SPG7: variants seen among roughly 807,000 people sequenced by gnomAD.
SPG7 encodes the protein mitochondrial inner membrane m-AAA protease component paraplegin.
Under a neutral mutation model 81.9 loss-of-function variants are expected in SPG7, and 103 were observed. The ratio of observed to expected loss-of-function variants is 1.26; its 90% CI spans 1.07 to 1.48. The LOEUF (loss-of-function observed/expected upper bound fraction) is 1.48. Ranked by LOEUF, SPG7 falls within the 40% of genes most tolerant of loss-of-function variation. The probability of loss-of-function intolerance (pLI) is 0.00; values close to 1 mark genes in which losing one functional copy is unlikely to be tolerated. For missense variants in SPG7, 1,241 were observed against 1,087.3 expected (o/e 1.14, Z -1.99); for synonymous variants, 534 against 444.2 (o/e 1.20, Z -2.54).
At chr16:89,529,312 C>A in intron 5 of SPG7, 165 bp from the exon 6 acceptor site, 1 of 663,822 alleles carries the variant, frequency 1.5e-6, no homozygotes, top group Non-Finnish European at 2.7e-6. Context: ...GAGAATGAGA[C>A]GAGAGAACCC....
At chr16:89,512,144 C>T (rs1007717836) in intron 2 of SPG7, among the ~76,000 whole-genome samples, 2 of 152,100 alleles carry the variant, frequency 1.3e-5, no homozygotes, top group South Asian at 4.1e-4. Flanking sequence ...ATCTCCTGAC[C>T]TCGTGATCCA....
At position 89,532,642 on chromosome 16, in the gene SPG7, T is replaced by C. The variant is rs759801773; in HGVS notation, c.1324+6T>C. 2 of 1,613,198 alleles carry C rather than the reference T, an allele frequency of 1.2e-6. No homozygotes were observed. Among genetic ancestry groups the C allele is most frequent in the Non-Finnish European group, 8.5e-7 (1 of 1,180,016 alleles). On this transcript the variant is annotated splice_donor_region_variant and intron_variant, in intron 9 of 16. Coordinates refer to ENST00000645818, the MANE Select transcript of SPG7 (RefSeq NM_003119.4). ...GCTTCTGGTAGAAATGGATGGTCAG[T>C]GCTCGTGCGCCCCGCACCCCCATTG...
intron 3 of SPG7, chr16:89,518,855 T>C (rs2058142671): frequency 6.6e-6 from 1 of 152,160 alleles, no homozygotes; most frequent in Non-Finnish European, 1.5e-5. Context: ...GCGTGTGTCA[T>C]GGGATGACCC....
chr16:89,557,142 A>C lies in SPG7; in HGVS notation c.*49A>C. 2 of 1,464,680 alleles carry C rather than the reference A, an allele frequency of 1.4e-6. No homozygotes were observed. Among genetic ancestry groups the C allele is most frequent in the Non-Finnish European group, 1.9e-6 (2 of 1,051,766 alleles). The allele number at this position is 1,464,680 out of a possible 1,614,324, so 90.7% of individuals were successfully genotyped here. On this transcript the variant is annotated 3_prime_UTR_variant, in exon 17 of 17. Transcript: ENST00000645818. Reference sequence around the variant, plus strand: ...CGGGTGGTCCGGGAAGTGAGGGCTCACTCAGCCACCCTGAGTTGCTTTTCA... The same window carrying C: ...CGGGTGGTCCGGGAAGTGAGGGCTCCCTCAGCCACCCTGAGTTGCTTTTCA...
chr16:89,548,138 A>G (rs768079007), intron 12 of SPG7, 25 bp downstream of exon 12: 18 of 1,518,172 alleles, frequency 1.2e-5, no homozygotes, highest in Non-Finnish European at 1.6e-5. Context: ...CCCTGGGTGA[A>G]GGCCCTCCTT....
At chr16:89,551,439 T>C (rs1020588793) in intron 13 of SPG7, 12 of 153,978 alleles carry the variant, frequency 7.8e-5, no homozygotes, top group African/African-American at 2.7e-4. Context: ...CATCCCAGGG[T>C]CTCAGCAGGG....
chr16:89,537,522 T>G (rs1678037700), intron 9 of SPG7: 1 of 991,276 alleles, frequency 1.0e-6, no homozygotes. Context: ...GCTGTGAACA[T>G]TTTATGCTTC....
chr16:89,534,370 G>A (rs544996956), intron 9 of SPG7, among the ~76,000 whole-genome samples: 40 of 152,352 alleles, frequency 2.6e-4, no homozygotes, highest in African/African-American at 9.1e-4. Context: ...GCTGCCTTGT[G>A]TGTAGGGGCT....
In SPG7 at chr16:89,546,672, T is replaced by C; in HGVS notation, c.1464T>C (p.Ile488=). ...GGTTCTGGCAGGAGAGGCGGGAGAT[T>C]TTTGAGCAGCACCTGAAGAGCCTGA... is the stretch of plus-strand genomic sequence containing the variant. The part of the protein sequence containing the change: ...DLPTLQERRE[I]FEQHLKSLKL... The change falls in exon 11 of 17, where the codon ATT becomes ATC. Residue 488 remains isoleucine, a synonymous_variant. Coordinates refer to ENST00000645818, the MANE Select transcript of SPG7 (RefSeq NM_003119.4). 1 of 1,613,380 alleles carries C rather than the reference T, an allele frequency of 6.2e-7. No individual in the cohort carries two copies. The highest frequency in any genetic ancestry group is 1.6e-4 in the Middle Eastern group (1 of 6,062).
intron 4 of SPG7, among the ~76,000 whole-genome samples, chr16:89,524,824 G>C (rs181242669): frequency 6.0e-4 from 92 of 152,318 alleles, no homozygotes; most frequent in Admixed American, 2.9e-3. Flanking sequence ...GTGTGGACCA[G>C]TGATTAGGAA....
intron 5 of SPG7, chr16:89,529,236 A>G: frequency 1.7e-6 from 1 of 577,346 alleles, no homozygotes; most frequent in East Asian, 3.0e-5. Flanking sequence ...AAGGCTGGCT[A>G]GATCTCCGGC....
chr16:89,527,031 A>G (rs2058273390), intron 5 of SPG7: 1 of 232,382 alleles, frequency 4.3e-6, no homozygotes, highest in African/African-American at 2.3e-5. Context: ...TTTGTGTGTA[A>G]CCTAAGAACA....
At chr16:89,543,003 A>G (rs1466535710) in intron 9 of SPG7, 2 of 126,492 alleles carry the variant, frequency 1.6e-5, no homozygotes, top group African/African-American at 6.2e-5. Flanking sequence ...GCTGGAGTGC[A>G]GTGGCGTGAT....
At position 89,554,559 on chromosome 16, in the gene SPG7, A is replaced by C. The variant is rs752094013; in HGVS notation, c.2177A>C (p.Gln726Pro). 1 of 1,607,286 alleles carries C rather than the reference A, an allele frequency of 6.2e-7. No homozygotes were observed. The highest frequency in any genetic ancestry group is 1.7e-5 in the Admixed American group (1 of 59,944). Residue 726 changes from glutamine to proline, a missense_variant, in exon 16 of 17, where the codon CAG (glutamine) becomes CCG (proline). Coordinates refer to ENST00000645818, the MANE Select transcript of SPG7 (RefSeq NM_003119.4). ...CTGCAGGACAACCTGGACAAGTTGC[A>C]GGCGGTGAGGCCCTGGCCAGGCGTG... Reference protein sequence around the residue: ...KVLQDNLDKLQALANALLEKE... With the variant: ...KVLQDNLDKLPALANALLEKE...
intron 2 of SPG7, 118 bp from the exon 3 acceptor site, chr16:89,512,830 G>C (rs1196411605): frequency 2.1e-6 from 2 of 974,758 alleles, no homozygotes; most frequent in African/African-American, 1.6e-5. Context: ...ATGGATATAA[G>C]TAGGTTTTTC....
Position 89,550,482 on chromosome 16 carries a change from G to A in SPG7, c.1664-12G>A, listed in dbSNP as rs1159707717. On this transcript the variant is annotated splice_polypyrimidine_tract_variant and intron_variant, in intron 12 of 16. Transcript: ENST00000645818. ...GCCACCGCGCCCAACTCATACCCCG[G>A]CATTCTTTCAGGGACTGCCAAAAAG... 2 of 1,600,250 alleles carry A rather than the reference G, an allele frequency of 1.2e-6. No homozygotes were observed. Among genetic ancestry groups the A allele is most frequent in the Non-Finnish European group, 1.7e-6 (2 of 1,168,372 alleles).
In SPG7 at chr16:89,524,244, G is replaced by C; in HGVS notation, c.615G>C (p.Arg205=). 6.8e-6 allele frequency: 11 copies of C among 1,609,336 alleles called. No individual in the cohort carries two copies. The highest frequency in any genetic ancestry group is 9.3e-6 in the Non-Finnish European group (11 of 1,177,652). Reference sequence around the variant, plus strand: ...ACCCTGGAGCCGTGGTGTTTGGGCGGCCTGTGAGTGAGGGTGCGGGAGGCC... The same window carrying C: ...ACCCTGGAGCCGTGGTGTTTGGGCGCCCTGTGAGTGAGGGTGCGGGAGGCC... The part of the protein sequence containing the change: ...YLHPGAVVFG[R]PRLALMYRMQ... The change falls in exon 4 of 17, where the codon CGG becomes CGC. Residue 205 remains arginine (R), a synonymous_variant. Coordinates refer to ENST00000645818, the MANE Select transcript of SPG7 (RefSeq NM_003119.4).
chr16:89,524,069 T>TC lies in SPG7; in HGVS notation c.441dup (p.Ile148HisfsTer41). 6.2e-7 allele frequency: 1 copy of TC among 1,613,736 alleles called. No homozygotes were observed. Among genetic ancestry groups the TC allele is most frequent in the Non-Finnish European group, 8.5e-7 (1 of 1,179,982 alleles). On this transcript the variant is annotated frameshift_variant, in exon 4 of 17. Coordinates refer to ENST00000645818, the MANE Select transcript of SPG7 (RefSeq NM_003119.4). LOFTEE classifies it high-confidence loss of function. ...CGAGAGCGGCTGCGCACCTTGCTGG[T>TC]CATCGCGGTTGTCATGAGCCTCCTG... is the stretch of plus-strand genomic sequence containing the variant.
intron 1 of SPG7, 48 bp from the exon 2 acceptor site, chr16:89,510,442 T>C: frequency 8.5e-7 from 1 of 1,177,998 alleles, no homozygotes. Flanking sequence ...GCTTTGGTAC[T>C]CTCTAATGTT....
Sources: allele counts gnomAD v4.1 joint callset (sites outside exome capture counted in the v4.1 genomes callset), GRCh38; gene constraint gnomAD v4.1.1; transcripts MANE v1.5; gene names NCBI Gene and HGNC (gene_info 2026-07-23, HGNC 2026-07-21).